The following ADAM18 variants were observed in gnomAD, a reference collection of about 807,000 sequenced individuals.
The protein encoded by ADAM18 is disintegrin and metalloproteinase domain-containing protein 18.
Under a neutral mutation model 94.4 loss-of-function variants are expected in ADAM18, and 117 were observed. The observed-to-expected ratio is 1.24, with a 90% CI of 1.07 to 1.45. The LOEUF (loss-of-function observed/expected upper bound fraction) is 1.45. Ranked by LOEUF, ADAM18 falls within the 40% of genes most tolerant of loss-of-function variation. The probability of loss-of-function intolerance (pLI) is 0.00; values close to 1 mark genes in which losing one functional copy is unlikely to be tolerated. For missense variants in ADAM18, 936 were observed against 880.0 expected, an observed-to-expected ratio of 1.06 and a Z score of -0.81; for synonymous variants, 327 against 291.6, an observed-to-expected ratio of 1.12 and a Z score of -1.24.
At chr8:39,679,489 G>A (rs193027541) in intron 15 of ADAM18, among the ~76,000 whole-genome samples, 22 of 152,196 alleles carry the variant, frequency 1.4e-4, no homozygotes, top group African/African-American at 5.1e-4. Context: ...TGGCATAGAG[G>A]GGATCTAAAA....
At chr8:39,721,965 A>T (rs953021845) in intron 18 of ADAM18, among the ~76,000 whole-genome samples, 1 of 151,126 alleles carries the variant, frequency 6.6e-6, no homozygotes, top group African/African-American at 2.4e-5. Context: ...TAGTCACAAT[A>T]ACAAAGTTAT....
At chr8:39,678,662 T>G (rs533654378) in intron 15 of ADAM18, among the ~76,000 whole-genome samples, 2 of 152,288 alleles carry the variant, frequency 1.3e-5, no homozygotes, top group African/African-American at 4.8e-5. Context: ...TTCTTCCTGA[T>G]GTCCAGAGGC....
At chr8:39,692,549 TG>T (rs1821811205) in intron 16 of ADAM18, 50 bp from the exon 17 acceptor site, 1 of 1,172,392 alleles carries the variant, frequency 8.5e-7, no homozygotes, top group Non-Finnish European at 1.2e-6. Context: ...TGTTTTTTCT[TG>T]TTTTATATGA....
At chr8:39,617,825 T>C (rs1021371604) in intron 6 of ADAM18, among the ~76,000 whole-genome samples, 1 of 146,946 alleles carries the variant, frequency 6.8e-6, no homozygotes, top group Admixed American at 6.7e-5. Context: ...CAATAGACAC[T>C]GGGCCTACTT....
At chr8:39,629,789 A>G (rs1275698579) in intron 7 of ADAM18, among the ~76,000 whole-genome samples, 1 of 151,946 alleles carries the variant, frequency 6.6e-6, no homozygotes, top group African/African-American at 2.4e-5. Context: ...TTTAAAATAA[A>G]AGATATTTTA....
intron 2 of ADAM18, among the ~76,000 whole-genome samples, chr8:39,593,896 C>CAATT (rs951141460): frequency 2.0e-5 from 3 of 152,102 alleles, no homozygotes; most frequent in Non-Finnish European, 4.4e-5. Context: ...CCAGCCTAGG[C>CAATT]AATTGTCTTT....
chr8:39,685,526 A>G (rs1401850395), intron 16 of ADAM18: 6 of 152,170 alleles, frequency 3.9e-5, no homozygotes, highest in Admixed American at 2.6e-4. Flanking sequence ...AATCTGTGAA[A>G]TGCCTTCAGG....
intron 13 of ADAM18, among the ~76,000 whole-genome samples, chr8:39,664,987 T>A (rs1421016872): frequency 6.6e-6 from 1 of 152,136 alleles, no homozygotes; most frequent in Non-Finnish European, 1.5e-5. Context: ...TTAGTGAATA[T>A]TCCCAAGTGT....
At chr8:39,728,668 T>C (rs1479691088) in intron 19 of ADAM18, among the ~76,000 whole-genome samples, 1 of 152,172 alleles carries the variant, frequency 6.6e-6, no homozygotes, top group Non-Finnish European at 1.5e-5. Flanking sequence ...ATCTTGGCTA[T>C]TTGGAAGTTA....
chr8:39,618,846 T>C (rs1169618725), intron 6 of ADAM18, among the ~76,000 whole-genome samples: 1 of 152,206 alleles, frequency 6.6e-6, no homozygotes, highest in Admixed American at 6.5e-5. Context: ...TGCACGTTCA[T>C]TCATAGGCTC....
intron 2 of ADAM18, among the ~76,000 whole-genome samples, chr8:39,586,764 CT>C (rs1349938910): frequency 3.5e-4 from 32 of 91,560 alleles, no homozygotes; most frequent in African/African-American, 1.2e-3. Flanking sequence ...AACTATCTAT[CT>C]ATCTATCTAT....
intron 6 of ADAM18, among the ~76,000 whole-genome samples, chr8:39,623,721 C>T (rs534488287): frequency 3.3e-5 from 5 of 151,990 alleles, no homozygotes; most frequent in Non-Finnish European, 5.9e-5. Flanking sequence ...CTCAGCCTCC[C>T]GAGTAGCTGG....
intron 2 of ADAM18, among the ~76,000 whole-genome samples, chr8:39,605,362 A>T (rs1416913894): frequency 6.6e-6 from 1 of 152,194 alleles, no homozygotes; most frequent in East Asian, 1.9e-4. Flanking sequence ...GAGCATTGTT[A>T]GTACCCAATT....
intron 12 of ADAM18, among the ~76,000 whole-genome samples, chr8:39,661,319 ATTTTTTTTTTTTTTTT>A (rs71518171): frequency 1.8e-5 from 2 of 112,852 alleles, no homozygotes; most frequent in African/African-American, 8.2e-5. Context: ...CACCCGGCAA[ATTTTTTTTTTTTTTTT>A]TTTTTTTTTT....
intron 17 of ADAM18, among the ~76,000 whole-genome samples, chr8:39,703,760 T>A (rs1412418233): frequency 6.6e-6 from 1 of 152,040 alleles, no homozygotes; most frequent in East Asian, 1.9e-4. Flanking sequence ...ATTCAAAAGA[T>A]TAACCAATTC....
In ADAM18 at chr8:39,678,184, A is replaced by C. The variant is rs1033645287; in HGVS notation, c.1631+648A>C. 2.6e-5 allele frequency among the ~76,000 whole-genome samples: 4 copies of C among 152,208 alleles called. 1 individual carries two copies. The highest frequency in any genetic ancestry group is 5.9e-5 in the Non-Finnish European group (4 of 68,028). ...AAATAAGAGAAAGGGAATAACATAA[A>C]AAATTTAGATATAATTAATTCAGGA... On this transcript the variant is annotated intron_variant, in intron 15 of 19. Coordinates refer to ENST00000265707, the MANE Select transcript of ADAM18 (RefSeq NM_014237.3).
chr8:39,677,408 A>C, intron 14 of ADAM18, 23 bp from the exon 15 acceptor site: 1 of 1,549,460 alleles, frequency 6.5e-7, no homozygotes, highest in South Asian at 1.2e-5. Flanking sequence ...ATGATAATTC[A>C]ACTGACATGT....
intron 6 of ADAM18, among the ~76,000 whole-genome samples, chr8:39,623,470 G>A (rs945030211): frequency 6.6e-6 from 1 of 150,858 alleles, no homozygotes; most frequent in Non-Finnish European, 1.5e-5. Flanking sequence ...ATATACTCCT[G>A]AGCTTGAAAT....
intron 13 of ADAM18, 47 bp downstream of exon 13, chr8:39,663,937 A>T: frequency 7.9e-7 from 1 of 1,262,924 alleles, no homozygotes; most frequent in Non-Finnish European, 1.1e-6. Flanking sequence ...GTGGTAAGAG[A>T]CGTCTGTATT....
Sources: gnomAD v4.1 joint callset for allele counts (sites outside exome capture counted in the v4.1 genomes callset) on GRCh38, gnomAD v4.1.1 for gene constraint, MANE v1.5 for transcripts, NCBI Gene and HGNC (gene_info 2026-07-23, HGNC 2026-07-21) for gene names.